The following ERMP1 variants were observed in gnomAD, a reference collection of about 807,000 sequenced individuals.
The protein encoded by ERMP1 is endoplasmic reticulum metallopeptidase 1, also known as Felix-ina.
In ERMP1, 86 loss-of-function variants were observed where a neutral mutation model predicts 92.0. The observed-to-expected ratio is 0.93, with a 90% CI of 0.79 to 1.12. The LOEUF (loss-of-function observed/expected upper bound fraction) is 1.12. Among genes scored for constraint, ERMP1 ranks in the 50% most tolerant of loss-of-function variants. ERMP1 has a pLI of 0.00. For synonymous variants in ERMP1, 530 were observed against 412.8 expected, an observed-to-expected ratio of 1.28 and a Z score of -3.44; for missense variants, 1,342 against 1,116.3, an observed-to-expected ratio of 1.20 and a Z score of -2.88.
chr9:5,814,894 G>A (rs1385663204), intron 4 of ERMP1, among the ~76,000 whole-genome samples: 2 of 152,000 alleles, frequency 1.3e-5, no homozygotes, highest in East Asian at 3.8e-4. Flanking sequence ...CACCAGACAA[G>A]TATAATCTAT....
chr9:5,861,717 G>GTTTTTTTTTTTTTTTTTT (rs34804675), intron 5 of ERMP1, among the ~76,000 whole-genome samples: 2 of 66,228 alleles, frequency 3.0e-5, no homozygotes, highest in Non-Finnish European at 5.3e-5. Context: ...GAGAGGAAGG[G>GTTTTTTTTTTTTTTTTTT]TTTTTTTTTT....
chr9:5,835,828 C>T (rs1830090459), upstream of ERMP1, among the ~76,000 whole-genome samples: 1 of 152,206 alleles, frequency 6.6e-6, no homozygotes, highest in Admixed American at 6.5e-5. Flanking sequence ...TTATAAAACA[C>T]TTTGATAATG....
chr9:5,840,473 A>G (rs1042066461), intron 6 of ERMP1, among the ~76,000 whole-genome samples: 2 of 152,204 alleles, frequency 1.3e-5, no homozygotes, highest in Non-Finnish European at 2.9e-5. Context: ...CTGCAGCTTT[A>G]TGAATGTCAG....
At chr9:5,830,681 T>C (rs1586825368) in intron 2 of ERMP1, 46 bp downstream of exon 2, 1 of 1,502,198 alleles carries the variant, frequency 6.7e-7, no homozygotes. Context: ...TTAATAAACT[T>C]TCTGGGCTGT....
At chr9:5,852,921 C>T (rs1437079870) in intron 6 of ERMP1, among the ~76,000 whole-genome samples, 5 of 152,102 alleles carry the variant, frequency 3.3e-5, no homozygotes, top group Non-Finnish European at 5.9e-5. Flanking sequence ...GGGGAGAAAA[C>T]AAACAAACCA....
chr9:5,864,525 G>C (rs1586853202), intron 5 of ERMP1, among the ~76,000 whole-genome samples: 2 of 152,172 alleles, frequency 1.3e-5, no homozygotes, highest in Non-Finnish European at 2.9e-5. Context: ...CCCGTGGGGA[G>C]GGGGGCGAGC....
intron 5 of ERMP1, among the ~76,000 whole-genome samples, chr9:5,865,699 G>A (rs1275806763): frequency 3.3e-5 from 5 of 150,382 alleles, no homozygotes; most frequent in South Asian, 2.1e-4. Flanking sequence ...TTAGCTGGGC[G>A]TGGTGGTGCA....
At chr9:5,828,552 C>T (rs780664972) in intron 2 of ERMP1, among the ~76,000 whole-genome samples, 4 of 152,168 alleles carry the variant, frequency 2.6e-5, no homozygotes, top group Non-Finnish European at 5.9e-5. Context: ...TGCCACCCCT[C>T]GAGACTCAAG....
Position 5,785,041 on chromosome 9 carries a change from T to C in ERMP1, c.*2103A>G, listed in dbSNP as rs780844329. On this transcript the variant is annotated 3_prime_UTR_variant, in exon 15 of 15. Coordinates refer to ENST00000339450, the MANE Select transcript of ERMP1 (RefSeq NM_024896.3). ...ACAGAGTCATAAATACTGTGTATAA[T>C]TGCTTGACCATTTCTGGCATTTAAA... The C allele has an allele frequency of 2.3e-4, 35 of 152,324 alleles. No homozygotes were observed. Among genetic ancestry groups the C allele is most frequent in the South Asian group, 6.2e-4 (3 of 4,828 alleles). 9.4% of individuals were successfully genotyped at this position (152,324 alleles called of 1,614,324 possible). A position where few individuals can be genotyped will look rare whatever the true frequency, so the allele number is the denominator to read the frequency against.
intron 6 of ERMP1, 24 bp downstream of exon 6, chr9:5,812,101 A>G (rs748703453): frequency 7.0e-7 from 1 of 1,431,110 alleles, no homozygotes; most frequent in Non-Finnish European, 9.8e-7. Flanking sequence ...AGTGTATATC[A>G]AAAGTCTAAA....
In ERMP1 at chr9:5,805,604, AC is replaced by A; in HGVS notation, c.1723+6del. 6.4e-7 allele frequency: 1 copy of A among 1,556,424 alleles called. No homozygotes were observed. Among genetic ancestry groups the A allele is most frequent in the East Asian group, 2.4e-5 (1 of 42,388 alleles). On this transcript the variant is annotated splice_donor_region_variant and intron_variant, in intron 9 of 14. Transcript: ENST00000339450. ...TCCCATGTATATCAAAATCAAAAAT[AC>A]CCTACCATGCTGCTTGAAGTCCTTA...
rs1827874545 is a variant in ERMP1 at position 5,784,919 on chromosome 9, T to C, written c.*2225A>G. 1 of 152,328 alleles carries C rather than the reference T, an allele frequency of 6.6e-6. No individual in the cohort carries two copies. Among genetic ancestry groups the C allele is most frequent in the Non-Finnish European group, 1.5e-5 (1 of 68,044 alleles). The allele number at this position is 152,328 out of a possible 1,614,324, so 9.4% of individuals were successfully genotyped here. ...CATTTGTTAGTGACTTTGTTAGAGC[T>C]TGAAAAGACCCTTTTAGAAATTATT... On this transcript the variant is annotated 3_prime_UTR_variant, in exon 15 of 15. Transcript: ENST00000339450.
intron 13 of ERMP1, among the ~76,000 whole-genome samples, chr9:5,795,683 C>T (rs187244192): frequency 2.6e-5 from 4 of 152,074 alleles, no homozygotes; most frequent in Admixed American, 6.6e-5. Context: ...GAGGCTGAGG[C>T]GGGAGAATCA....
intron 8 of ERMP1, among the ~76,000 whole-genome samples, chr9:5,809,221 C>A (rs368840520): frequency 8.6e-5 from 13 of 151,656 alleles, no homozygotes; most frequent in Non-Finnish European, 1.8e-4. Flanking sequence ...GGGGTTTCAC[C>A]GTGTTAGCCA....
chr9:5,857,766 G>A (rs1830397283), intron 6 of ERMP1, among the ~76,000 whole-genome samples: 1 of 152,158 alleles, frequency 6.6e-6, no homozygotes. Context: ...GATCCCTAGG[G>A]ATCTGCCTAT....
chr9:5,814,581 A>G (rs940288505), intron 4 of ERMP1, among the ~76,000 whole-genome samples: 1 of 152,090 alleles, frequency 6.6e-6, no homozygotes, highest in African/African-American at 2.4e-5. Flanking sequence ...CACCTCTACT[A>G]AAAATACAAA....
upstream of ERMP1, among the ~76,000 whole-genome samples, chr9:5,835,349 A>AACGCGC (rs1491449868): frequency 1.7e-5 from 2 of 118,640 alleles, no homozygotes; most frequent in African/African-American, 2.7e-5. Flanking sequence ...AGAGACAATG[A>AACGCGC]ACGCGCGCGC....
intron 1 of ERMP1, among the ~76,000 whole-genome samples, chr9:5,832,031 C>T (rs533065841): frequency 6.6e-6 from 1 of 151,776 alleles, no homozygotes; most frequent in South Asian, 2.1e-4. Context: ...CTTTGACACA[C>T]CTGGGTTACA....
rs1586816081 is a variant in ERMP1 at position 5,824,069 on chromosome 9, A to G, written c.769-68T>C. On this transcript the variant is annotated intron_variant, in intron 3 of 14. Coordinates refer to ENST00000339450, the MANE Select transcript of ERMP1 (RefSeq NM_024896.3). ...TAAATTATCAGTCTTGATTTTGCTT[A>G]AACACAGAGAGACTACTTTGATGAG... The G allele has an allele frequency of 5.6e-6, 7 of 1,260,678 alleles. No individual in the cohort carries two copies. The Admixed American group carries it at 1.3e-4, about 24-fold the overall frequency. The allele number at this position is 1,260,678 out of a possible 1,614,324, so 78.1% of individuals were successfully genotyped here. A position where few individuals can be genotyped will look rare whatever the true frequency, so the allele number is the denominator to read the frequency against.
Sources: gnomAD v4.1 joint callset for allele counts (sites outside exome capture counted in the v4.1 genomes callset) on GRCh38, gnomAD v4.1.1 for gene constraint, MANE v1.5 for transcripts, NCBI Gene and HGNC (gene_info 2026-07-23, HGNC 2026-07-21) for gene names.